The following ADGRB3 variants were observed in gnomAD, a reference collection of about 807,000 sequenced individuals.
The protein encoded by ADGRB3 is brain-specific angiogenesis inhibitor 3.
Under a neutral mutation model 193.4 loss-of-function variants are expected in ADGRB3, and 37 were observed. The ratio of observed to expected loss-of-function variants is 0.19; its 90% CI spans 0.15 to 0.25. ADGRB3 has a LOEUF of 0.25. Ranked by LOEUF, ADGRB3 falls within the 10% of genes least tolerant of loss-of-function variation. The pLI is 1.00. For missense variants in ADGRB3, 1,637 were observed against 1,852.9 expected (o/e 0.88, Z 2.14); for synonymous variants, 690 against 644.2 (o/e 1.07, Z -1.08).
chr6:69,291,210 G>A (rs530687381), intron 20 of ADGRB3, among the ~76,000 whole-genome samples: 27 of 151,734 alleles, frequency 1.8e-4, no homozygotes, highest in African/African-American at 6.0e-4. Flanking sequence ...TATAATTCTC[G>A]GAATTCCAAT....
chr6:68,795,244 G>T (rs949990900), intron 3 of ADGRB3, among the ~76,000 whole-genome samples: 3 of 151,660 alleles, frequency 2.0e-5, no homozygotes, highest in Admixed American at 6.6e-5. Flanking sequence ...CTTCAGTCTT[G>T]TAATTAGTGT....
chr6:69,141,273 G>A (rs1218492211), intron 17 of ADGRB3, among the ~76,000 whole-genome samples: 1 of 151,938 alleles, frequency 6.6e-6, no homozygotes, highest in African/African-American at 2.4e-5. Flanking sequence ...ACAGGAGCCC[G>A]CCACCATGCC....
Position 69,379,982 on chromosome 6 carries a change from C to T in ADGRB3, c.4276-2849C>T, listed in dbSNP as rs528037640. On this transcript the variant is annotated intron_variant, in intron 30 of 31. Transcript: ENST00000370598. ...AAAATACCAAAATGTTTTTTAGTTA[C>T]GTAATATTGGTGACCAGCATAACTT... Among the ~76,000 whole-genome samples the T allele has an allele frequency of 1.8e-4, 27 of 151,996 alleles. No individual in the cohort carries two copies. The East Asian group carries it at 4.3e-3, about 24-fold the overall frequency.
At chr6:68,925,112 C>T (rs1767144428) in intron 3 of ADGRB3, among the ~76,000 whole-genome samples, 1 of 151,806 alleles carries the variant, frequency 6.6e-6, no homozygotes, top group South Asian at 2.1e-4. Context: ...AGTCTTTTCT[C>T]CTATCCTCTC....
At chr6:68,925,069 A>G (rs932875560) in intron 3 of ADGRB3, among the ~76,000 whole-genome samples, 6 of 151,960 alleles carry the variant, frequency 3.9e-5, no homozygotes, top group African/African-American at 1.4e-4. Flanking sequence ...AGTTCATGCT[A>G]ACTGTAGAAA....
intron 8 of ADGRB3, among the ~76,000 whole-genome samples, chr6:68,966,365 C>A (rs1167403340): frequency 6.6e-6 from 1 of 152,138 alleles, no homozygotes; most frequent in Non-Finnish European, 1.5e-5. Context: ...ATAAATTTCC[C>A]TTGCCCCTAA....
chr6:68,647,522 G>A (rs1008390724), intron 3 of ADGRB3, among the ~76,000 whole-genome samples: 1 of 152,062 alleles, frequency 6.6e-6, no homozygotes, highest in Middle Eastern at 3.2e-3. Context: ...TGAATTTAGA[G>A]CATTTAACAA....
chr6:68,722,706 T>A (rs532176229), intron 3 of ADGRB3, among the ~76,000 whole-genome samples: 6 of 151,430 alleles, frequency 4.0e-5, no homozygotes, highest in African/African-American at 1.5e-4. Context: ...AAGCACTTTA[T>A]TTTTTTTAAA....
At chr6:69,168,299 T>C (rs1179433054) in intron 17 of ADGRB3, among the ~76,000 whole-genome samples, 1 of 152,126 alleles carries the variant, frequency 6.6e-6, no homozygotes, top group Non-Finnish European at 1.5e-5. Context: ...GGAGATAATG[T>C]GACTGTAGCT....
At position 68,868,951 on chromosome 6, in the gene ADGRB3, G is replaced by GTGTGTGTGTGTGTGTT. The variant is rs781022363; in HGVS notation, c.758-61607_758-61606insGTGTGTGTGTGTGTTT. Among the ~76,000 whole-genome samples, 1,089 of 150,418 alleles carry GTGTGTGTGTGTGTGTT rather than the reference G, an allele frequency of 7.2e-3. 20 individuals are homozygous for GTGTGTGTGTGTGTGTT. Among genetic ancestry groups the GTGTGTGTGTGTGTGTT allele is most frequent in the African/African-American group, 0.022 (911 of 40,798 alleles). On this transcript the variant is annotated intron_variant, in intron 3 of 31. Transcript: ENST00000370598. ...TGTGTGTGTGTGTGTGAGTGTGTGT[G>GTGTGTGTGTGTGTGTT]TTTAAACTTAATCTTAGCATCCTAT...
At chr6:68,949,909 C>T (rs549530822) in intron 6 of ADGRB3, among the ~76,000 whole-genome samples, 3 of 152,078 alleles carry the variant, frequency 2.0e-5, no homozygotes, top group African/African-American at 7.2e-5. Context: ...TTTTATCCTT[C>T]TTAGCCTTAC....
intron 15 of ADGRB3, among the ~76,000 whole-genome samples, chr6:69,053,478 G>T (rs1304573203): frequency 6.6e-6 from 1 of 152,188 alleles, no homozygotes; most frequent in East Asian, 1.9e-4. Flanking sequence ...ATCCATTGCA[G>T]AAAATCTTGT....
intron 30 of ADGRB3, among the ~76,000 whole-genome samples, chr6:69,375,691 C>T (rs1006239375): frequency 3.3e-5 from 5 of 152,110 alleles, no homozygotes; most frequent in African/African-American, 1.2e-4. Context: ...CAATTACAGG[C>T]ATTCATTCTG....
chr6:68,891,044 C>T (rs936148945), intron 3 of ADGRB3, among the ~76,000 whole-genome samples: 1 of 152,130 alleles, frequency 6.6e-6, no homozygotes, highest in African/African-American at 2.4e-5. Context: ...CTTACAGTTC[C>T]ACATGTCTTG....
chr6:69,094,259 T>C (rs1335703399), intron 17 of ADGRB3, among the ~76,000 whole-genome samples: 1 of 152,218 alleles, frequency 6.6e-6, no homozygotes, highest in Non-Finnish European at 1.5e-5. Context: ...ACTCTTATTC[T>C]ATTCTGGCAG....
At chr6:69,286,093 G>A (rs1767546583) in intron 20 of ADGRB3, among the ~76,000 whole-genome samples, 1 of 152,016 alleles carries the variant, frequency 6.6e-6, no homozygotes, top group African/African-American at 2.4e-5. Flanking sequence ...AAAATAGTCT[G>A]CTGAATAAGG....
chr6:68,758,187 A>T (rs1766332639), intron 3 of ADGRB3, among the ~76,000 whole-genome samples: 1 of 152,094 alleles, frequency 6.6e-6, no homozygotes, highest in African/African-American at 2.4e-5. Flanking sequence ...AGAGGTAATG[A>T]ATATTAATGT....
chr6:68,814,811 G>C (rs1275430367), intron 3 of ADGRB3, among the ~76,000 whole-genome samples: 1 of 152,100 alleles, frequency 6.6e-6, no homozygotes, highest in Non-Finnish European at 1.5e-5. Context: ...CTTCATCCCT[G>C]GGATGCAAGG....
chr6:68,735,912 A>G lies in ADGRB3; in HGVS notation c.757+96480A>G, dbSNP rs1254958890. Reference sequence around the variant, plus strand: ...AGAGCAGCAATCACTGAGTGCTACAAAATATTTTATTACATTTTTTTGCCT... The same window carrying G: ...AGAGCAGCAATCACTGAGTGCTACAGAATATTTTATTACATTTTTTTGCCT... On this transcript the variant is annotated intron_variant, in intron 3 of 31. Transcript: ENST00000370598. Among the ~76,000 whole-genome samples, 3 of 152,146 alleles carry G rather than the reference A, an allele frequency of 2.0e-5. No individual in the cohort carries two copies. The East Asian group carries it at 5.8e-4, about 29-fold the overall frequency.
Sources: allele counts gnomAD v4.1 joint callset (sites outside exome capture counted in the v4.1 genomes callset), GRCh38; gene constraint gnomAD v4.1.1; transcripts MANE v1.5; gene names NCBI Gene and HGNC (gene_info 2026-07-23, HGNC 2026-07-21).